The following DLGAP1 variants were observed in gnomAD, a reference collection of about 807,000 sequenced individuals.
DLGAP1 encodes DLG associated protein 1.
A neutral mutation model predicts 90.8 loss-of-function variants in DLGAP1; 11 were observed. That is an observed-to-expected ratio of 0.12 (90% CI 0.08 to 0.20). The LOEUF (loss-of-function observed/expected upper bound fraction) is 0.20. Among genes scored for constraint, DLGAP1 ranks in the 10% least tolerant of loss-of-function variants. The pLI is 1.00. For synonymous variants in DLGAP1, 558 were observed against 540.7 expected, an observed-to-expected ratio of 1.03 and a Z score of -0.44; for missense variants, 1,050 against 1,333.8, an observed-to-expected ratio of 0.79 and a Z score of 3.31.
chr18:3,928,812 C>T (rs907363191), intron 3 of DLGAP1, among the ~76,000 whole-genome samples: 6 of 152,164 alleles, frequency 3.9e-5, no homozygotes, highest in East Asian at 1.9e-4. Flanking sequence ...TTTCCTTTGT[C>T]GCTGATATGG....
chr18:4,443,876 A>G (rs2083596569), intron 1 of DLGAP1, among the ~76,000 whole-genome samples: 1 of 152,236 alleles, frequency 6.6e-6, no homozygotes, highest in South Asian at 2.1e-4. Flanking sequence ...CGTAACAATA[A>G]AGAAAACTAC....
chr18:4,273,713 G>C (rs1195352404), intron 1 of DLGAP1, among the ~76,000 whole-genome samples: 1 of 152,214 alleles, frequency 6.6e-6, no homozygotes, highest in African/African-American at 2.4e-5. Context: ...GGGATTACAG[G>C]CGTGAGCCAC....
chr18:4,439,311 C>T (rs1201523316), intron 1 of DLGAP1, among the ~76,000 whole-genome samples: 3 of 152,238 alleles, frequency 2.0e-5, no homozygotes, highest in Admixed American at 6.5e-5. Context: ...CCTTTAAATC[C>T]AGCTCCTTCA....
intron 3 of DLGAP1, among the ~76,000 whole-genome samples, chr18:3,997,593 G>C (rs2074096004): frequency 6.6e-6 from 1 of 151,888 alleles, no homozygotes; most frequent in Admixed American, 6.6e-5. Context: ...TCTGTCCAGT[G>C]TATTTCCTGT....
At chr18:4,212,278 C>T (rs2177007) in intron 1 of DLGAP1, among the ~76,000 whole-genome samples, 65,955 of 151,820 alleles carry the variant, frequency 0.43, 16,388 homozygotes, top group East Asian at 0.78. Flanking sequence ...ACTGCCAGAG[C>T]TATCTAGTCC....
At chr18:4,134,131 ACCAT>A (rs2076361751) in intron 2 of DLGAP1, among the ~76,000 whole-genome samples, 1 of 152,194 alleles carries the variant, frequency 6.6e-6, no homozygotes, top group Non-Finnish European at 1.5e-5. Flanking sequence ...TTATGACATT[ACCAT>A]GTTAACGAAA....
intron 7 of DLGAP1, among the ~76,000 whole-genome samples, chr18:3,617,923 G>C (rs2057937836): frequency 6.6e-6 from 1 of 152,102 alleles, no homozygotes; most frequent in Non-Finnish European, 1.5e-5. Flanking sequence ...TGTAATCCCA[G>C]CTACTCAGGA....
At chr18:3,945,601 T>C (rs1231342160) in intron 3 of DLGAP1, among the ~76,000 whole-genome samples, 1 of 152,164 alleles carries the variant, frequency 6.6e-6, no homozygotes, top group Non-Finnish European at 1.5e-5. Context: ...TCAATATCTT[T>C]TATGTAAAAC....
chr18:4,108,371 CTT>C (rs1215935930), intron 2 of DLGAP1, among the ~76,000 whole-genome samples: 1 of 152,116 alleles, frequency 6.6e-6, no homozygotes, highest in Non-Finnish European at 1.5e-5. Context: ...TTTCCTGGGG[CTT>C]TGGGTCTCCT....
intron 5 of DLGAP1, among the ~76,000 whole-genome samples, chr18:3,800,004 C>T (rs944580160): frequency 1.3e-5 from 2 of 152,102 alleles, no homozygotes; most frequent in African/African-American, 2.4e-5. Context: ...AAAAAATCCA[C>T]CTAATTTTAA....
At chr18:4,049,860 A>G (rs2075107093) in intron 2 of DLGAP1, among the ~76,000 whole-genome samples, 2 of 151,072 alleles carry the variant, frequency 1.3e-5, no homozygotes, top group South Asian at 4.2e-4. Context: ...ACACCTACCT[A>G]CTCATTTATC....
chr18:3,650,576 T>C (rs1599723181), intron 7 of DLGAP1, among the ~76,000 whole-genome samples: 1 of 152,354 alleles, frequency 6.6e-6, no homozygotes, highest in Non-Finnish European at 1.5e-5. Context: ...ACGTCATTTT[T>C]ATAAACAGGA....
At chr18:4,218,090 G>A (rs1311178518) in intron 1 of DLGAP1, among the ~76,000 whole-genome samples, 1 of 150,936 alleles carries the variant, frequency 6.6e-6, no homozygotes, top group Non-Finnish European at 1.5e-5. Context: ...TAATTTCTGT[G>A]AAAGGTGTAA....
intron 5 of DLGAP1, 30 bp from the exon 6 acceptor site, chr18:3,742,542 A>C (rs1051325128): frequency 1.2e-6 from 2 of 1,610,438 alleles, no homozygotes; most frequent in African/African-American, 2.7e-5. Flanking sequence ...GAGGTGCATT[A>C]GTCACATTCC....
intron 5 of DLGAP1, among the ~76,000 whole-genome samples, chr18:3,787,671 G>A (rs12955677): frequency 0.46 from 69,423 of 151,638 alleles, 17,101 homozygotes; most frequent in Non-Finnish European, 0.56. Flanking sequence ...CGTTCTTACC[G>A]GTATTCATTC....
intron 1 of DLGAP1, chr18:4,264,646 T>C (rs934316673): frequency 1.2e-4 from 18 of 152,242 alleles, no homozygotes; most frequent in African/African-American, 4.3e-4. Flanking sequence ...TGCTCTTTTT[T>C]CCTCCCATTT....
intron 1 of DLGAP1, among the ~76,000 whole-genome samples, chr18:4,267,789 G>A (rs2079163417): frequency 6.6e-6 from 1 of 152,146 alleles, no homozygotes; most frequent in Non-Finnish European, 1.5e-5. Flanking sequence ...TCTACAAGCT[G>A]TTGACAAGAG....
At chr18:4,033,941 G>T (rs1383104774) in intron 2 of DLGAP1, among the ~76,000 whole-genome samples, 3 of 150,776 alleles carry the variant, frequency 2.0e-5, no homozygotes, top group Non-Finnish European at 4.4e-5. Flanking sequence ...GTTTCACTGT[G>T]TTAGCCAGGA....
chr18:4,432,606 G>C lies in DLGAP1; in HGVS notation c.-267+22400C>G, dbSNP rs866087348. 4.2e-3 allele frequency among the ~76,000 whole-genome samples: 645 copies of C among 151,994 alleles called. 3 individuals carry two copies. The highest frequency in any genetic ancestry group is 0.015 in the African/African-American group (620 of 41,432). On this transcript the variant is annotated intron_variant, in intron 1 of 12. Coordinates refer to ENST00000315677, the MANE Select transcript of DLGAP1 (RefSeq NM_004746.4). ...CCTCACATAGTGTGTGTGTGTGTGT[G>C]TGTGTGTGTGTGTGTGTGTGGTGAG...
Sources: gnomAD v4.1 joint callset for allele counts (sites outside exome capture counted in the v4.1 genomes callset) on GRCh38, gnomAD v4.1.1 for gene constraint, MANE v1.5 for transcripts, NCBI Gene and HGNC (gene_info 2026-07-23, HGNC 2026-07-21) for gene names.